The following TRIM26 variants were observed in gnomAD, a reference collection of about 807,000 sequenced individuals.
TRIM26 encodes the protein tripartite motif containing 26.
Under a neutral mutation model 45.5 loss-of-function variants are expected in TRIM26, and 16 were observed. The ratio of observed to expected loss-of-function variants is 0.35; its 90% CI spans 0.24 to 0.53. The LOEUF (loss-of-function observed/expected upper bound fraction) is 0.53. TRIM26 is among the 20% of genes least tolerant of loss of function. The pLI is 0.92. For missense variants in TRIM26, 442 were observed against 691.1 expected (o/e 0.64, Z 4.04); for synonymous variants, 273 against 290.4 (o/e 0.94, Z 0.61).
chr6:30,196,026 C>T lies in TRIM26; in HGVS notation c.765+490G>A, dbSNP rs1776425812. Among the ~76,000 whole-genome samples, 1 of 152,212 alleles carries T rather than the reference C, an allele frequency of 6.6e-6. No individual in the cohort carries two copies. The highest frequency in any genetic ancestry group is 2.4e-5 in the African/African-American group (1 of 41,460). On this transcript the variant is annotated intron_variant, in intron 6 of 9. Transcript: ENST00000454678. The surrounding 1 kb of genome is among the most constrained non-coding windows in gnomAD (Gnocchi z 4.9). ...CATCTTGTTCTCTGTGTGGTAATCC[C>T]ATGGGCCAAAGAAAACCTGGCCATC...
intron 1 of TRIM26, among the ~76,000 whole-genome samples, chr6:30,206,116 T>A (rs1777701182): frequency 6.6e-6 from 1 of 152,220 alleles, no homozygotes; most frequent in Admixed American, 6.5e-5. Flanking sequence ...TTAATCCCCA[T>A]ATTTTAATCT....
chr6:30,187,388 A>AAT (rs1221401622), intron 9 of TRIM26: 6 of 403,212 alleles, frequency 1.5e-5, no homozygotes, highest in Non-Finnish European at 3.0e-5. Flanking sequence ...CAACCTGAAG[A>AAT]ATATCTGCCC....
intron 6 of TRIM26, among the ~76,000 whole-genome samples, chr6:30,195,519 G>T (rs1776368465): frequency 6.6e-6 from 1 of 152,156 alleles, no homozygotes; most frequent in African/African-American, 2.4e-5. Context: ...AGTAGGGGCT[G>T]AACTGGAAGG....
chr6:30,208,951 T>C (rs1029736263), intron 1 of TRIM26, among the ~76,000 whole-genome samples: 8 of 149,070 alleles, frequency 5.4e-5, no homozygotes, highest in Admixed American at 3.4e-4. Flanking sequence ...TGTGTGTGTG[T>C]ATTTAACTCC....
At chr6:30,212,919 A>C (rs1181932669) in intron 1 of TRIM26, among the ~76,000 whole-genome samples, 1 of 50,466 alleles carries the variant, frequency 2.0e-5, no homozygotes, top group Non-Finnish European at 4.8e-5. Context: ...TCCGAACAAA[A>C]AAAAAAAAAA....
chr6:30,204,023 C>T (rs1195224918), intron 2 of TRIM26, among the ~76,000 whole-genome samples: 2 of 152,286 alleles, frequency 1.3e-5, no homozygotes, highest in African/African-American at 4.8e-5. Context: ...TACACATTTA[C>T]TGAACAAGTG....
Position 30,190,218 on chromosome 6 carries a change from G to A in TRIM26, c.766-183C>T, listed in dbSNP as rs144015321. 1.2e-4 allele frequency: 80 copies of A among 661,796 alleles called. No individual in the cohort carries two copies. The highest frequency in any genetic ancestry group is 1.2e-3 in the East Asian group (44 of 36,822). The allele number at this position is 661,796 out of a possible 1,614,324, so 41.0% of individuals were successfully genotyped here. A position where few individuals can be genotyped will look rare whatever the true frequency, so the allele number is the denominator to read the frequency against. ...AAACAACAAGAAAACAAACAAAATCGGCACAATGACAGAAGCCACAATGGC... is the reference window on the plus strand; with the variant it reads ...AAACAACAAGAAAACAAACAAAATCAGCACAATGACAGAAGCCACAATGGC... On this transcript the variant is annotated intron_variant, in intron 6 of 9. Transcript: ENST00000454678. The surrounding 1 kb of genome is among the most constrained non-coding windows in gnomAD (Gnocchi z 4.3).
rs1554201635 is a variant in TRIM26 at position 30,193,183 on chromosome 6, T to TATA, written c.766-3149_766-3148insTAT. On this transcript the variant is annotated intron_variant, in intron 6 of 9. Coordinates refer to ENST00000454678, the MANE Select transcript of TRIM26 (RefSeq NM_003449.5). The stretch of plus-strand genomic sequence containing the variant: ...GTGTGTATATATATATATATATATA[T>TATA]TTTTTTTTTTTTTTTTTTAATGGAG... Among the ~76,000 whole-genome samples, 329 of 40,234 alleles carry TATA rather than the reference T, an allele frequency of 8.2e-3. 1 individual carries two copies. Among genetic ancestry groups the TATA allele is most frequent in the African/African-American group, 0.016 (125 of 7,986 alleles). The allele number at this position is 40,234 out of a possible 152,430, so 26.4% of individuals were successfully genotyped here.
In TRIM26 at chr6:30,190,093, A is replaced by G. The variant is rs551668224; in HGVS notation, c.766-58T>C. The G allele has an allele frequency of 4.3e-3, 6,755 of 1,577,248 alleles. 18 individuals carry two copies. The highest frequency in any genetic ancestry group is 5.5e-3 in the Non-Finnish European group (6,275 of 1,148,954). ...TATGAATCAAATAAGACTTCAATGCATCTGCACCCAACACTGTAGCAGAGA... is the reference window on the plus strand; with the variant it reads ...TATGAATCAAATAAGACTTCAATGCGTCTGCACCCAACACTGTAGCAGAGA... On this transcript the variant is annotated intron_variant, in intron 6 of 9. Coordinates refer to ENST00000454678, the MANE Select transcript of TRIM26 (RefSeq NM_003449.5). This position sits in a 1 kb window ranked among gnomAD's most constrained non-coding sequence, Gnocchi z 4.3.
chr6:30,203,706 C>T (rs1301404188), intron 2 of TRIM26, among the ~76,000 whole-genome samples: 2 of 152,114 alleles, frequency 1.3e-5, no homozygotes, highest in Admixed American at 6.6e-5. Flanking sequence ...TGTGAGCCAC[C>T]GCGCCCGGCT....
intron 6 of TRIM26, among the ~76,000 whole-genome samples, chr6:30,194,661 C>T (rs1257445835): frequency 6.6e-6 from 1 of 152,214 alleles, no homozygotes; most frequent in Non-Finnish European, 1.5e-5. Context: ...TCAAGACCAG[C>T]CTGGCCAACA....
At chr6:30,204,013 T>C (rs1777465870) in intron 2 of TRIM26, among the ~76,000 whole-genome samples, 1 of 152,198 alleles carries the variant, frequency 6.6e-6, no homozygotes, top group South Asian at 2.1e-4. Context: ...AGAAGCTCAA[T>C]ACACATTTAC....
chr6:30,197,679 A>G (rs1193741205), intron 5 of TRIM26, among the ~76,000 whole-genome samples: 1 of 152,220 alleles, frequency 6.6e-6, no homozygotes, highest in Non-Finnish European at 1.5e-5. Flanking sequence ...AAATGGAATA[A>G]TAGTTACATA....
chr6:30,197,653 C>T (rs967137998), intron 5 of TRIM26, among the ~76,000 whole-genome samples: 1 of 152,108 alleles, frequency 6.6e-6, no homozygotes, highest in Admixed American at 6.5e-5. Flanking sequence ...TCCAAGGATG[C>T]TCAAGTTCTT....
At chr6:30,191,296 C>T (rs867703131) in intron 6 of TRIM26, among the ~76,000 whole-genome samples, 1 of 151,724 alleles carries the variant, frequency 6.6e-6, no homozygotes, top group Non-Finnish European at 1.5e-5. Flanking sequence ...TCAAAAGCCT[C>T]CTTAATACCC....
chr6:30,204,170 G>A (rs1169851704), intron 2 of TRIM26, among the ~76,000 whole-genome samples: 6 of 152,134 alleles, frequency 3.9e-5, no homozygotes, highest in African/African-American at 7.2e-5. Context: ...GACTCCTTCT[G>A]AGGAAACTGA....
chr6:30,199,115 T>C lies in TRIM26; in HGVS notation c.-12A>G. ...GCTGACGTGGCCATGGTATCCTTAG[T>C]TCAGAGAGGTCTCCGTTCACTGGTG... is the stretch of plus-strand genomic sequence containing the variant. On this transcript the variant is annotated 5_prime_UTR_variant, in exon 4 of 10. Transcript: ENST00000454678. 1 of 1,538,876 alleles carries C rather than the reference T, an allele frequency of 6.5e-7. No homozygotes were observed. The highest frequency in any genetic ancestry group is 8.8e-7 in the Non-Finnish European group (1 of 1,140,462).
rs1775677562 is a variant in TRIM26 at position 30,190,190 on chromosome 6, A to C, written c.766-155T>G. On this transcript the variant is annotated intron_variant, in intron 6 of 9. Coordinates refer to ENST00000454678, the MANE Select transcript of TRIM26 (RefSeq NM_003449.5). This position sits in a 1 kb window ranked among gnomAD's most constrained non-coding sequence, Gnocchi z 4.3. ...GCTGACATTCCAGTGGGGTCACTGC[A>C]TAAAACAACAAGAAAACAAACAAAA... is the stretch of plus-strand genomic sequence containing the variant. 6.6e-6 allele frequency: 5 copies of C among 762,694 alleles called. No individual in the cohort carries two copies. In the East Asian group the frequency reaches 1.3e-4, roughly 20 times the overall value. The allele number at this position is 762,694 out of a possible 1,614,324, so 47.2% of individuals were successfully genotyped here.
chr6:30,187,849 C>T (rs1262355753), intron 9 of TRIM26, among the ~76,000 whole-genome samples: 2 of 125,442 alleles, frequency 1.6e-5, no homozygotes, highest in African/African-American at 3.0e-5. Context: ...ACCTGGGAGG[C>T]GGGGCTCGCA....
Sources: allele counts gnomAD v4.1 joint callset (sites outside exome capture counted in the v4.1 genomes callset), GRCh38; gene constraint gnomAD v4.1.1; non-coding constraint Gnocchi (gnomAD v3.1); transcripts MANE v1.5; gene names NCBI Gene and HGNC (gene_info 2026-07-23, HGNC 2026-07-21).